The following C19orf18 variants were observed in gnomAD, a reference collection of about 807,000 sequenced individuals.
C19orf18 encodes the protein chromosome 19 open reading frame 18.
A neutral mutation model predicts 23.3 loss-of-function variants in C19orf18; 21 were observed. The observed-to-expected ratio is 0.90, with a 90% CI of 0.64 to 1.30. C19orf18 has a LOEUF of 1.30. Ranked by LOEUF, C19orf18 falls within the 50% of genes most tolerant of loss-of-function variation. The probability of loss-of-function intolerance (pLI) is 0.00; values close to 1 mark genes in which losing one functional copy is unlikely to be tolerated. For missense variants in C19orf18, 249 were observed against 259.6 expected (o/e 0.96, Z 0.28); for synonymous variants, 96 against 95.2 (o/e 1.01, Z -0.05).
At chr19:57,966,446 C>T in intron 4 of C19orf18, 84 bp downstream of exon 4, 1 of 884,400 alleles carries the variant, frequency 1.1e-6, no homozygotes, top group East Asian at 2.5e-5. Context: ...GATGTATCAT[C>T]ATCATCCTTT....
chr19:57,964,127 G>A (rs562849473), intron 4 of C19orf18, among the ~76,000 whole-genome samples: 1 of 152,194 alleles, frequency 6.6e-6, no homozygotes, highest in African/African-American at 2.4e-5. Context: ...CTATAGCTTA[G>A]TGCTAATACA....
Position 57,958,704 on chromosome 19 carries a change from T to C in C19orf18, c.546A>G (p.Lys182=). The C allele has an allele frequency of 6.5e-7, 1 of 1,541,680 alleles. No individual in the cohort carries two copies. The highest frequency in any genetic ancestry group is 8.9e-7 in the Non-Finnish European group (1 of 1,125,074). The change falls in exon 6 of 6, where the codon AAA becomes AAG. Residue 182 remains lysine, a synonymous_variant. Coordinates refer to ENST00000314391, the MANE Select transcript of C19orf18 (RefSeq NM_152474.5). ...EKFIHSVIIS[K]RSKNIKKKLK... ...GTTTCTTCTTAATATTTTTGCTTCT[T>C]TTTGATATAATAACTAAAATGTAGA... is the stretch of plus-strand genomic sequence containing the variant.
At chr19:57,966,928 A>T (rs146592474) in intron 3 of C19orf18, among the ~76,000 whole-genome samples, 1 of 151,920 alleles carries the variant, frequency 6.6e-6, no homozygotes, top group East Asian at 1.9e-4. Context: ...GCGCCACCAC[A>T]CCTGCCTAAT....
chr19:57,959,788 C>CT (rs1460320130), intron 5 of C19orf18, among the ~76,000 whole-genome samples: 2 of 128,182 alleles, frequency 1.6e-5, no homozygotes, highest in Non-Finnish European at 3.2e-5. Flanking sequence ...TAGTGAAACT[C>CT]TGCCTCAAAA....
chr19:57,962,868 A>T (rs373774747), intron 4 of C19orf18, among the ~76,000 whole-genome samples: 1 of 151,930 alleles, frequency 6.6e-6, no homozygotes, highest in South Asian at 2.1e-4. Context: ...AAAAAAAAAA[A>T]CAAAAAACTT....
At position 57,961,476 on chromosome 19, in the gene C19orf18, A is replaced by G. The variant is rs2072871766; in HGVS notation, c.447T>C (p.Asp149=). The G allele has an allele frequency of 1.2e-6, 2 of 1,614,126 alleles. No individual in the cohort carries two copies. The highest frequency in any genetic ancestry group is 3.3e-5 in the Admixed American group (2 of 60,004). Residue 149 remains aspartate, a synonymous_variant, in exon 5 of 6, where the codon GAT becomes GAC. Transcript: ENST00000314391. ...YKNLRIPLLG[D]EEEGSEDEGE... ...CCTCGTCCTCTGAGCCCTCTTCTTC[A>G]TCTCCTAATAACGGTATCCTGAGGT...
At position 57,961,408 on chromosome 19, in the gene C19orf18, T is replaced by G. The variant is rs991309879; in HGVS notation, c.515A>C (p.Glu172Ala). 3.8e-5 allele frequency: 62 copies of G among 1,613,514 alleles called. No individual in the cohort carries two copies. The highest frequency in any genetic ancestry group is 4.9e-5 in the Non-Finnish European group (58 of 1,179,884). Residue 172 changes from glutamate to alanine, a missense_variant, in exon 5 of 6, where the codon GAA (glutamate) becomes GCA (alanine). Transcript: ENST00000314391. ...HLLPENENEL[E>A]KFIHSVIISK... ...CACACTACCTGAGTGGATGAACTTT[T>G]CCAGCTCATTTTCGTTCTCTGGAAG...
chr19:57,974,036 G>A (rs1053034114), intron 2 of C19orf18, 63 bp downstream of exon 2: 5 of 1,481,790 alleles, frequency 3.4e-6, no homozygotes, highest in African/African-American at 1.4e-5. Context: ...ACATTCACAT[G>A]GCAGATAAGA....
chr19:57,966,407 T>C, intron 4 of C19orf18, 123 bp downstream of exon 4: 3 of 638,064 alleles, frequency 4.7e-6, no homozygotes, highest in Non-Finnish European at 7.9e-6. Context: ...TCTGGAAATT[T>C]ATAATGACCA....
In C19orf18 at chr19:57,961,553, T is replaced by G. The variant is rs746705028; in HGVS notation, c.372-2A>C. On this transcript the variant is annotated splice_acceptor_variant, in intron 4 of 5. Coordinates refer to ENST00000314391, the MANE Select transcript of C19orf18 (RefSeq NM_152474.5). LOFTEE classifies it high-confidence loss of function. ...CTTTCCTCAGCCTGTGCCAGTCGAC[T>G]GGAGAATGATATAAATGAATTTAGA... 2 of 1,607,484 alleles carry G rather than the reference T, an allele frequency of 1.2e-6. 1 individual carries two copies. The highest frequency in any genetic ancestry group is 3.5e-5 in the Admixed American group (2 of 57,452).
chr19:57,963,057 A>C (rs2072884437), intron 4 of C19orf18, among the ~76,000 whole-genome samples: 1 of 137,446 alleles, frequency 7.3e-6, no homozygotes, highest in Non-Finnish European at 1.6e-5. Context: ...ATGGAGTTTC[A>C]CTCTTTTTGC....
chr19:57,963,922 C>T (rs113623977), intron 4 of C19orf18, among the ~76,000 whole-genome samples: 1 of 152,062 alleles, frequency 6.6e-6, no homozygotes, highest in African/African-American at 2.4e-5. Flanking sequence ...AATATTTTAT[C>T]TCTACCCTAA....
intron 4 of C19orf18, among the ~76,000 whole-genome samples, chr19:57,963,514 T>A (rs2072887374): frequency 6.6e-6 from 1 of 152,190 alleles, no homozygotes; most frequent in Non-Finnish European, 1.5e-5. Context: ...ATGCTTATTC[T>A]TTTCCAAAAC....
At chr19:57,972,551 T>C (rs200941854) in intron 2 of C19orf18, 47 bp from the exon 3 acceptor site, 1 of 1,595,970 alleles carries the variant, frequency 6.3e-7, no homozygotes, top group East Asian at 2.2e-5. Context: ...TTTAAGATGG[T>C]TTAAGATGAA....
chr19:57,973,674 G>C (rs191513021), intron 2 of C19orf18, among the ~76,000 whole-genome samples: 2 of 150,346 alleles, frequency 1.3e-5, no homozygotes, highest in Admixed American at 1.3e-4. Flanking sequence ...GCAGTGAGCC[G>C]AGATCGCGCC....
intron 5 of C19orf18, among the ~76,000 whole-genome samples, chr19:57,961,152 G>A (rs1163648360): frequency 2.0e-5 from 3 of 152,082 alleles, no homozygotes; most frequent in Admixed American, 6.6e-5. Context: ...GGAGAATGGC[G>A]TGAATCTGGG....
intron 4 of C19orf18, among the ~76,000 whole-genome samples, chr19:57,962,024 CTT>C (rs1024784692): frequency 3.4e-5 from 5 of 148,432 alleles, no homozygotes; most frequent in African/African-American, 7.5e-5. Flanking sequence ...CTCCCTTTCT[CTT>C]TCTCTCTCTC....
At position 57,974,496 on chromosome 19, in the gene C19orf18, T is replaced by C; in HGVS notation, c.-64A>G. Reference sequence around the variant, plus strand: ...GGAAATACTTAGCTACAGTCCAGCATCTGTCCTCTATTTATCTGAGGAATC... The same window carrying C: ...GGAAATACTTAGCTACAGTCCAGCACCTGTCCTCTATTTATCTGAGGAATC... On this transcript the variant is annotated 5_prime_UTR_variant, in exon 1 of 6. An upstream start codon of the reference 5' UTR is lost. Coordinates refer to ENST00000314391, the MANE Select transcript of C19orf18 (RefSeq NM_152474.5). 1 of 1,586,340 alleles carries C rather than the reference T, an allele frequency of 6.3e-7. No individual in the cohort carries two copies. The highest frequency in any genetic ancestry group is 8.6e-7 in the Non-Finnish European group (1 of 1,161,924).
At chr19:57,970,294 G>A (rs566562330) in intron 3 of C19orf18, among the ~76,000 whole-genome samples, 107 of 152,236 alleles carry the variant, frequency 7.0e-4, no homozygotes, top group Non-Finnish European at 1.2e-3. Context: ...TCCTTGGAAC[G>A]TTGCCGTCTA....
Sources: allele counts gnomAD v4.1 joint callset (sites outside exome capture counted in the v4.1 genomes callset), GRCh38; gene constraint gnomAD v4.1.1; transcripts MANE v1.5; gene names NCBI Gene and HGNC (gene_info 2026-07-23, HGNC 2026-07-21).